CDC42BPB: variants seen among roughly 807,000 people sequenced by gnomAD.
CDC42BPB encodes the protein CDC42 binding protein kinase beta, also known as serine/threonine-protein kinase MRCK beta.
CDC42BPB carries 37 observed loss-of-function variants against 214.9 expected under a neutral mutation model. That is an observed-to-expected ratio of 0.17 (90% CI 0.13 to 0.23). The LOEUF (loss-of-function observed/expected upper bound fraction) is 0.23. Among genes scored for constraint, CDC42BPB ranks in the 10% least tolerant of loss-of-function variants. The pLI is 1.00. For missense variants in CDC42BPB, 1,694 were observed against 2,227.0 expected (o/e 0.76, Z 4.82); for synonymous variants, 931 against 884.0 (o/e 1.05, Z -0.94).
chr14:102,951,096 C>A (rs569533558), intron 24 of CDC42BPB, among the ~76,000 whole-genome samples: 1 of 152,234 alleles, frequency 6.6e-6, no homozygotes, highest in Admixed American at 6.5e-5. Flanking sequence ...GGCATGAATG[C>A]GTCTTCAGCA....
rs779685101 is a variant in CDC42BPB at position 102,949,853 on chromosome 14, C to G, written c.3361G>C (p.Val1121Leu). The G allele has an allele frequency of 6.8e-6, 11 of 1,613,534 alleles. No homozygotes were observed. Among genetic ancestry groups the G allele is most frequent in the Non-Finnish European group, 9.3e-6 (11 of 1,180,000 alleles). Residue 1121 changes from valine to leucine, a missense_variant, in exon 26 of 37, where the codon GTC becomes CTC. By Grantham distance (32) the Val-to-Leu change is conservative. Coordinates refer to ENST00000361246, the MANE Select transcript of CDC42BPB (RefSeq NM_006035.4). ...TACAGGAAGAGCTTGCAGTCACAGA[C>G]GACTGCATATGCGCGCTGCCATCCC... ...KKGWQRAYAVVCDCKLFLYDL... is the reference protein window; with the variant it reads ...KKGWQRAYAVLCDCKLFLYDL...
At chr14:102,963,478 C>T (rs559892148) in intron 19 of CDC42BPB, among the ~76,000 whole-genome samples, 3 of 152,356 alleles carry the variant, frequency 2.0e-5, no homozygotes, top group Admixed American at 6.5e-5. Flanking sequence ...GCCGCTCAGC[C>T]GTCAGCCCCA....
intron 1 of CDC42BPB, among the ~76,000 whole-genome samples, chr14:103,034,012 C>T (rs1443401043): frequency 6.6e-6 from 1 of 152,196 alleles, no homozygotes; most frequent in Non-Finnish European, 1.5e-5. Flanking sequence ...CCATGGCAAA[C>T]AGCTTCAGTA....
At chr14:102,950,107 G>C in intron 25 of CDC42BPB, 1 of 985,196 alleles carries the variant, frequency 1.0e-6, no homozygotes, top group Non-Finnish European at 1.2e-6. Flanking sequence ...AAAGCTGGCA[G>C]CTCAGCCAAC....
At chr14:102,941,107 T>G (rs2139350391) in intron 30 of CDC42BPB, 1 of 983,222 alleles carries the variant, frequency 1.0e-6, no homozygotes. Context: ...AAGGGAGCGG[T>G]GTGCGTCTTC....
In CDC42BPB at chr14:102,938,155, C is replaced by A; in HGVS notation, c.4953G>T (p.Val1651=). The A allele has an allele frequency of 6.2e-7, 1 of 1,613,872 alleles. No individual in the cohort carries two copies. The highest frequency in any genetic ancestry group is 1.1e-5 in the South Asian group (1 of 91,066). Residue 1651 remains valine (V), a synonymous_variant, in exon 36 of 37, where the codon GTG becomes GTT. Transcript: ENST00000361246. ...CAGACATACTTCTCAGAGGCACAGT[C>A]ACGCTAGGCTCCGATCCACCTACAG... ...WPSSGGSEPS[V]TVPLRSMSDP... is the part of the protein sequence containing the mutation.
chr14:102,948,051 C>G (rs968143933), intron 26 of CDC42BPB: 1 of 798,692 alleles, frequency 1.3e-6, no homozygotes, highest in African/African-American at 1.9e-5. Context: ...TGTGCTGGTG[C>G]CTCCAGACTA....
chr14:103,033,004 T>A (rs917025388), intron 1 of CDC42BPB, among the ~76,000 whole-genome samples: 1 of 152,076 alleles, frequency 6.6e-6, no homozygotes, highest in African/African-American at 2.4e-5. Flanking sequence ...TATTTTTTAA[T>A]GTCATATTAT....
At chr14:102,973,399 C>T (rs1241308116) in intron 12 of CDC42BPB, among the ~76,000 whole-genome samples, 1 of 152,226 alleles carries the variant, frequency 6.6e-6, no homozygotes, top group African/African-American at 2.4e-5. Flanking sequence ...GTGTTAGTAA[C>T]ATGCTGACAC....
In CDC42BPB at chr14:102,946,466, A is replaced by G. The variant is rs1257671906; in HGVS notation, c.3748+2T>C. 1 of 1,612,538 alleles carries G rather than the reference A, an allele frequency of 6.2e-7. No homozygotes were observed. Among genetic ancestry groups the G allele is most frequent in the Non-Finnish European group, 8.5e-7 (1 of 1,179,944 alleles). On this transcript the variant is annotated splice_donor_variant, in intron 28 of 36. Coordinates refer to ENST00000361246, the MANE Select transcript of CDC42BPB (RefSeq NM_006035.4). LOFTEE classifies it high-confidence loss of function. ...CTGAAGGACACAACCTTTGGGACGT[A>G]CCCACGATGGCAGCTGTCAGGATGG...
At chr14:102,934,333 G>C (rs539869016) in intron 36 of CDC42BPB, among the ~76,000 whole-genome samples, 1 of 152,146 alleles carries the variant, frequency 6.6e-6, no homozygotes, top group Non-Finnish European at 1.5e-5. Flanking sequence ...AGGAGATTGG[G>C]ACCATCCTGG....
In CDC42BPB at chr14:102,966,283, A is replaced by G; in HGVS notation, c.2576T>C (p.Leu859Pro). 6.2e-7 allele frequency: 1 copy of G among 1,609,184 alleles called. No homozygotes were observed. Reference sequence around the variant, plus strand: ...ATGCAGGCATTACACAAAACCTACCAGTGTTCTTGACCCCAGACTAGAACT... The same window carrying G: ...ATGCAGGCATTACACAAAACCTACCGGTGTTCTTGACCCCAGACTAGAACT... ...LRSSSLGSRT[L>P]DPLWKVRRSQ... The change falls in exon 18 of 37, where the codon CTG becomes CCG. Residue 859 changes from leucine to proline, a missense_variant and splice_region_variant. Leu to Pro is a moderately conservative substitution (Grantham distance 98). Coordinates refer to ENST00000361246, the MANE Select transcript of CDC42BPB (RefSeq NM_006035.4).
At chr14:102,973,531 C>T (rs973793798) in intron 12 of CDC42BPB, among the ~76,000 whole-genome samples, 1 of 152,188 alleles carries the variant, frequency 6.6e-6, no homozygotes, top group Non-Finnish European at 1.5e-5. Flanking sequence ...CTAAGGGTCC[C>T]CTTCTAAGAG....
At chr14:103,053,732 A>T (rs1486310591) in intron 1 of CDC42BPB, among the ~76,000 whole-genome samples, 4 of 151,138 alleles carry the variant, frequency 2.6e-5, no homozygotes, top group East Asian at 3.9e-4. Flanking sequence ...ACTGCACTCC[A>T]GCCTGGGCGA....
At chr14:103,053,031 G>A (rs996010915) in intron 1 of CDC42BPB, among the ~76,000 whole-genome samples, 1 of 152,192 alleles carries the variant, frequency 6.6e-6, no homozygotes. Context: ...ATGGTATCAA[G>A]ATATTTTCAA....
chr14:103,051,154 C>CGGGGGGGGGGGGGGG (rs1179516926), intron 1 of CDC42BPB, among the ~76,000 whole-genome samples: 5 of 6,834 alleles, frequency 7.3e-4, no homozygotes, highest in African/African-American at 1.9e-3. Flanking sequence ...GTATTTGGGG[C>CGGGGGGGGGGGGGGG]GGGGGGGCGG....
rs1220526685 is a variant in CDC42BPB, at chr14:103,001,081, C to A, written c.448-1368G>T. Among the ~76,000 whole-genome samples the A allele has an allele frequency of 6.6e-6, 1 of 152,198 alleles. No individual in the cohort carries two copies. Among genetic ancestry groups the A allele is most frequent in the Non-Finnish European group, 1.5e-5 (1 of 68,030 alleles). On this transcript the variant is annotated intron_variant, in intron 4 of 36. Transcript: ENST00000361246. This position sits in a 1 kb window ranked among gnomAD's most constrained non-coding sequence, Gnocchi z 5.8. The stretch of plus-strand genomic sequence containing the variant: ...GTCCCTGCTCTCAACAGAATCTTTA[C>A]CAGCAAACTCTCATCCCTTCCAAGC...
chr14:103,016,343 CG>C (rs1215433731), intron 1 of CDC42BPB, among the ~76,000 whole-genome samples: 7 of 152,250 alleles, frequency 4.6e-5, no homozygotes, highest in African/African-American at 1.7e-4. Context: ...GTCGTCCTCC[CG>C]CCTCCCAGCC....
chr14:103,056,949 G>A, intron 1 of CDC42BPB, 50 bp downstream of exon 1: 1 of 1,271,454 alleles, frequency 7.9e-7, no homozygotes, highest in Non-Finnish European at 1.0e-6. Flanking sequence ...CGCGGGCTGG[G>A]GCGCGGGGGT....
Sources: allele counts gnomAD v4.1 joint callset (sites outside exome capture counted in the v4.1 genomes callset), GRCh38; gene constraint gnomAD v4.1.1; non-coding constraint Gnocchi (gnomAD v3.1); transcripts MANE v1.5; gene names NCBI Gene and HGNC (gene_info 2026-07-23, HGNC 2026-07-21).